The following SLC6A15 variants were observed in gnomAD, a reference collection of about 807,000 sequenced individuals.
SLC6A15 encodes the protein solute carrier family 6 member 15.
A neutral mutation model predicts 68.5 loss-of-function variants in SLC6A15; 33 were observed. That is an observed-to-expected ratio of 0.48 (90% CI 0.37 to 0.64). SLC6A15 has a LOEUF of 0.64. Ranked by LOEUF, SLC6A15 falls within the 30% of genes least tolerant of loss-of-function variation. The pLI, the probability that SLC6A15 is intolerant of heterozygous loss-of-function variation, is 0.00. For missense variants in SLC6A15, 747 were observed against 874.3 expected, an observed-to-expected ratio of 0.85 and a Z score of 1.84; for synonymous variants, 347 against 301.0, an observed-to-expected ratio of 1.15 and a Z score of -1.58.
intron 1 of SLC6A15, among the ~76,000 whole-genome samples, chr12:84,909,414 G>A (rs909153374): frequency 6.6e-6 from 1 of 152,124 alleles, no homozygotes; most frequent in Admixed American, 6.5e-5. Context: ...TTTAGGGCTT[G>A]TTGTTCACAG....
chr12:84,862,104 G>T (rs1870879663), intron 11 of SLC6A15, 98 bp from the exon 12 acceptor site: 4 of 1,292,888 alleles, frequency 3.1e-6, no homozygotes, highest in Non-Finnish European at 3.2e-6. Context: ...AAGAATCTGG[G>T]CTGGCTTTGT....
At chr12:84,896,670 T>C (rs1349022908) in intron 1 of SLC6A15, among the ~76,000 whole-genome samples, 3 of 151,962 alleles carry the variant, frequency 2.0e-5, no homozygotes, top group African/African-American at 7.3e-5. Flanking sequence ...AATATGTGTA[T>C]GGAAATGGAA....
chr12:84,889,502 AT>A (rs1415681867), intron 2 of SLC6A15, among the ~76,000 whole-genome samples: 18 of 148,176 alleles, frequency 1.2e-4, no homozygotes, highest in African/African-American at 4.3e-4. Flanking sequence ...TCAGAAAAAA[AT>A]AAAAATAAAA....
At chr12:84,877,137 C>T (rs935853368) in intron 5 of SLC6A15, among the ~76,000 whole-genome samples, 5 of 152,106 alleles carry the variant, frequency 3.3e-5, no homozygotes, top group East Asian at 1.9e-4. Context: ...AACAGTTCAG[C>T]AAATATTTAT....
intron 8 of SLC6A15, among the ~76,000 whole-genome samples, chr12:84,871,692 A>G (rs1008287833): frequency 6.6e-6 from 1 of 152,154 alleles, no homozygotes; most frequent in African/African-American, 2.4e-5. Context: ...TCCACACATG[A>G]TTCTTTATGT....
intron 10 of SLC6A15, among the ~76,000 whole-genome samples, chr12:84,864,204 C>T (rs764316392): frequency 6.6e-6 from 1 of 151,130 alleles, no homozygotes; most frequent in Non-Finnish European, 1.5e-5. Context: ...TCAAATATAC[C>T]TAATCAATGT....
intron 5 of SLC6A15, among the ~76,000 whole-genome samples, chr12:84,877,490 G>C (rs539902034): frequency 3.3e-5 from 5 of 152,246 alleles, no homozygotes; most frequent in Admixed American, 3.3e-4. Context: ...TCTTACCCTA[G>C]AGTGCCTGCT....
chr12:84,896,325 TA>T (rs1385104299), intron 1 of SLC6A15, among the ~76,000 whole-genome samples: 2 of 151,748 alleles, frequency 1.3e-5, no homozygotes, highest in Non-Finnish European at 2.9e-5. Context: ...TCCATGCCCA[TA>T]AAATATTGCT....
rs1169120040 is a variant in SLC6A15 at position 84,861,734 on chromosome 12, T to C, written c.2091A>G (p.Lys697=). 6.2e-7 allele frequency: 1 copy of C among 1,614,012 alleles called. No homozygotes were observed. The highest frequency in any genetic ancestry group is 1.1e-5 in the South Asian group (1 of 91,074). ...TATCCAGAGTTGGGGATCCACTCTGTTTTCGATAAATATTTTTACCAAAAT... is the reference window on the plus strand; with the variant it reads ...TATCCAGAGTTGGGGATCCACTCTGCTTTCGATAAATATTTTTACCAAAAT... ...SPNFGKNIYR[K]QSGSPTLDTA... is the part of the protein sequence containing the mutation. The change falls in exon 12 of 12, where the codon AAA becomes AAG. Residue 697 remains lysine (K), a synonymous_variant. Coordinates refer to ENST00000266682, the MANE Select transcript of SLC6A15 (RefSeq NM_182767.6).
chr12:84,866,952 T>C, intron 10 of SLC6A15, 82 bp downstream of exon 10: 1 of 1,211,766 alleles, frequency 8.3e-7, no homozygotes, highest in Non-Finnish European at 1.1e-6. Context: ...ATTTATTTCC[T>C]CTTCTAAATG....
intron 5 of SLC6A15, 108 bp from the exon 6 acceptor site, chr12:84,876,715 G>T: frequency 1.9e-6 from 1 of 521,082 alleles, no homozygotes; most frequent in Non-Finnish European, 3.4e-6. Context: ...TTCATGACAG[G>T]ATTAATAAAA....
chr12:84,887,396 T>G (rs1458405790), intron 2 of SLC6A15, among the ~76,000 whole-genome samples: 1 of 152,170 alleles, frequency 6.6e-6, no homozygotes, highest in Non-Finnish European at 1.5e-5. Context: ...TTCAAATTAT[T>G]TATCTCAGCA....
intron 1 of SLC6A15, among the ~76,000 whole-genome samples, chr12:84,896,219 C>A (rs1872632339): frequency 6.6e-6 from 1 of 152,152 alleles, no homozygotes; most frequent in African/African-American, 2.4e-5. Context: ...CTCCTGTCTA[C>A]AACTGTACAA....
intron 1 of SLC6A15, among the ~76,000 whole-genome samples, chr12:84,909,567 G>A (rs1873341127): frequency 6.6e-6 from 1 of 152,162 alleles, no homozygotes. Flanking sequence ...AACCTTGAAT[G>A]TTGTTCATGC....
At chr12:84,899,242 A>G (rs1329724193) in intron 1 of SLC6A15, among the ~76,000 whole-genome samples, 1 of 152,168 alleles carries the variant, frequency 6.6e-6, no homozygotes, top group African/African-American at 2.4e-5. Flanking sequence ...CTAAGTCCAT[A>G]CTGATTCAAG....
intron 11 of SLC6A15, 45 bp from the exon 12 acceptor site, chr12:84,862,051 T>C: frequency 6.7e-7 from 1 of 1,502,552 alleles, no homozygotes; most frequent in Non-Finnish European, 8.9e-7. Context: ...TATCTTTCTT[T>C]GCACATACAT....
intron 1 of SLC6A15, among the ~76,000 whole-genome samples, chr12:84,893,947 T>C (rs1872531782): frequency 6.6e-6 from 1 of 152,114 alleles, no homozygotes; most frequent in African/African-American, 2.4e-5. Flanking sequence ...AGAATAGGTG[T>C]AAAACTTCCC....
At chr12:84,892,652 T>G (rs773072047) in intron 1 of SLC6A15, among the ~76,000 whole-genome samples, 16 of 152,192 alleles carry the variant, frequency 1.1e-4, no homozygotes, top group Non-Finnish European at 2.1e-4. Context: ...TTCTTATATA[T>G]CCCTGATTTT....
intron 6 of SLC6A15, among the ~76,000 whole-genome samples, chr12:84,873,847 A>G (rs1871399033): frequency 6.6e-6 from 1 of 152,210 alleles, no homozygotes; most frequent in Non-Finnish European, 1.5e-5. Flanking sequence ...CATTCATTCA[A>G]AAGTCTGCTA....
Sources: gnomAD v4.1 joint callset for allele counts (sites outside exome capture counted in the v4.1 genomes callset) on GRCh38, gnomAD v4.1.1 for gene constraint, MANE v1.5 for transcripts, NCBI Gene and HGNC (gene_info 2026-07-23, HGNC 2026-07-21) for gene names.